Variants in ALOX5 observed in about 807,000 individuals in gnomAD.
The protein encoded by ALOX5 is polyunsaturated fatty acid 5-lipoxygenase.
A neutral mutation model predicts 87.9 loss-of-function variants in ALOX5; 64 were observed. That is an observed-to-expected ratio of 0.73 (90% CI 0.60 to 0.90). The LOEUF is 0.90. Among genes scored for constraint, ALOX5 ranks in the 40% least tolerant of loss-of-function variants. The pLI, the probability that ALOX5 is intolerant of heterozygous loss-of-function variation, is 0.00. For synonymous variants in ALOX5, 388 were observed against 355.1 expected (o/e 1.09, Z -1.04); for missense variants, 822 against 907.5 (o/e 0.91, Z 1.21).
At chr10:45,412,862 C>T (rs1368530087) in intron 4 of ALOX5, among the ~76,000 whole-genome samples, 1 of 152,168 alleles carries the variant, frequency 6.6e-6, no homozygotes, top group Admixed American at 6.5e-5. Flanking sequence ...GTTCTGTGCA[C>T]CTTTGTTTCA....
chr10:45,436,449 A>C (rs1041279584), intron 7 of ALOX5, among the ~76,000 whole-genome samples: 1 of 152,168 alleles, frequency 6.6e-6, no homozygotes, highest in African/African-American at 2.4e-5. Context: ...GTAGGGGCCC[A>C]GCGTCATTCT....
rs143623885 is a variant in ALOX5, at chr10:45,395,713, G to A, written c.350-142G>A. 5.8e-4 allele frequency: 376 copies of A among 644,978 alleles called. 6 individuals are homozygous for A. In the East Asian group the frequency reaches 9.4e-3, roughly 16 times the overall value. 40.0% of individuals were successfully genotyped at this position (644,978 alleles called of 1,614,324 possible). ...CCTCAGTTTCTTCATCATTAATTGG[G>A]GAAGTGCTCTGAGGCTCAAATGAGG... On this transcript the variant is annotated intron_variant, in intron 2 of 13. Transcript: ENST00000374391.
At chr10:45,443,370 G>A (rs375366789) in intron 10 of ALOX5, 46 bp from the exon 11 acceptor site, 8 of 1,595,654 alleles carry the variant, frequency 5.0e-6, no homozygotes, top group African/African-American at 4.0e-5. Context: ...GCACCGCTCC[G>A]CAGACCTGGC....
chr10:45,396,950 T>G (rs79242910), intron 3 of ALOX5, among the ~76,000 whole-genome samples: 3,470 of 152,016 alleles, frequency 0.023, 126 homozygotes, highest in African/African-American at 0.079. Flanking sequence ...ATAGAGTAAA[T>G]AACAAAACAA....
At chr10:45,422,133 C>A (rs955962254) in intron 4 of ALOX5, among the ~76,000 whole-genome samples, 2 of 152,118 alleles carry the variant, frequency 1.3e-5, no homozygotes, top group Non-Finnish European at 2.9e-5. Context: ...GCAGGAGAGA[C>A]CCCCAGTGTC....
chr10:45,411,994 C>T (rs947480207), intron 3 of ALOX5, among the ~76,000 whole-genome samples, 197 bp from the exon 4 acceptor site: 19 of 152,198 alleles, frequency 1.2e-4, no homozygotes, highest in African/African-American at 4.1e-4. Context: ...CAGGGCACAG[C>T]AAAGTTGGTG....
intron 4 of ALOX5, among the ~76,000 whole-genome samples, chr10:45,419,604 G>A (rs943075698): frequency 1.3e-5 from 2 of 152,282 alleles, no homozygotes; most frequent in Non-Finnish European, 2.9e-5. Context: ...TAGGGAGTGG[G>A]TGCGGAGGCT....
At chr10:45,419,030 T>G (rs777910862) in intron 4 of ALOX5, among the ~76,000 whole-genome samples, 1 of 152,044 alleles carries the variant, frequency 6.6e-6, no homozygotes, top group Non-Finnish European at 1.5e-5. Flanking sequence ...GGGTGGCGGA[T>G]GGAGCCGCCC....
At chr10:45,391,003 CCCTCTCT>C (rs141140052) in intron 2 of ALOX5, among the ~76,000 whole-genome samples, 33,302 of 66,248 alleles carry the variant, frequency 0.5, 10,566 homozygotes, top group African/African-American at 0.57. Flanking sequence ...CTCCCCTCTC[CCCTCTCT>C]CCTCTCCCAT....
chr10:45,375,249 C>T (rs1255199801), intron 1 of ALOX5, among the ~76,000 whole-genome samples: 1 of 152,192 alleles, frequency 6.6e-6, no homozygotes, highest in African/African-American at 2.4e-5. Context: ...GCGAGGGAGC[C>T]CTCAGCATTT....
In ALOX5 at chr10:45,432,943, T is replaced by A. The variant is rs78334250; in HGVS notation, c.981+4179T>A. Reference sequence around the variant, plus strand: ...TGCCTATCTATGATACACAGGTAGCTCCTTTACATTGACGGGAAAATACCA... The same window carrying A: ...TGCCTATCTATGATACACAGGTAGCACCTTTACATTGACGGGAAAATACCA... On this transcript the variant is annotated intron_variant, in intron 7 of 13. Coordinates refer to ENST00000374391, the MANE Select transcript of ALOX5 (RefSeq NM_000698.5). Among the ~76,000 whole-genome samples, 573 of 152,294 alleles carry A rather than the reference T, an allele frequency of 3.8e-3. 11 individuals carry two copies. In the East Asian group the frequency reaches 0.053, roughly 14 times the overall value.
intron 4 of ALOX5, among the ~76,000 whole-genome samples, chr10:45,419,469 A>AG (rs978073358): frequency 1.3e-5 from 2 of 151,288 alleles, no homozygotes; most frequent in Non-Finnish European, 2.9e-5. Flanking sequence ...GCAGAGGCCT[A>AG]GGGGGTGGGC....
At chr10:45,441,247 C>G (rs1374839544) in intron 8 of ALOX5, 97 bp from the exon 9 acceptor site, 9 of 1,045,732 alleles carry the variant, frequency 8.6e-6, no homozygotes, top group African/African-American at 1.6e-5. Flanking sequence ...CCAGCATCAT[C>G]CTATAGGGCA....
chr10:45,388,355 C>G (rs1184010154), intron 2 of ALOX5, among the ~76,000 whole-genome samples: 1 of 152,204 alleles, frequency 6.6e-6, no homozygotes, highest in Non-Finnish European at 1.5e-5. Flanking sequence ...GTTCACCCAA[C>G]ATGGAATTTG....
rs770880019 is a variant in ALOX5 at position 45,445,606 on chromosome 10, G to A, written c.1944G>A (p.Val648=). The part of the protein sequence containing the change: ...FRKNLEAIVS[V]IAERNKKKQL... ...AGAACCTCGAGGCCATTGTCAGCGT[G>A]ATTGCTGAGCGCAACAAGAAGAAGC... Residue 648 remains valine (V), a synonymous_variant, in exon 14 of 14, where the codon GTG becomes GTA. Coordinates refer to ENST00000374391, the MANE Select transcript of ALOX5 (RefSeq NM_000698.5). 20 of 1,614,056 alleles carry A rather than the reference G, an allele frequency of 1.2e-5. No homozygotes were observed. Among genetic ancestry groups the A allele is most frequent in the Admixed American group, 1.7e-5 (1 of 60,012 alleles).
At chr10:45,399,178 T>C (rs531593383) in intron 3 of ALOX5, among the ~76,000 whole-genome samples, 111 of 152,282 alleles carry the variant, frequency 7.3e-4, no homozygotes, top group African/African-American at 2.4e-3. Flanking sequence ...TTATGCTAAG[T>C]GAAAGAAACC....
intron 2 of ALOX5, 24 bp downstream of exon 2, chr10:45,382,705 C>T (rs746594123): frequency 1.3e-6 from 2 of 1,597,646 alleles, no homozygotes; most frequent in East Asian, 2.3e-5. Flanking sequence ...GCCCCTTCTG[C>T]CCCGGGCTTC....
intron 7 of ALOX5, among the ~76,000 whole-genome samples, chr10:45,434,747 TGG>T (rs963361875): frequency 2.6e-5 from 4 of 152,168 alleles, no homozygotes; most frequent in African/African-American, 9.7e-5. Flanking sequence ...GATGGCCCAG[TGG>T]GGGACAGGTG....
chr10:45,428,035 G>C (rs1369542690), intron 6 of ALOX5, among the ~76,000 whole-genome samples: 2 of 141,546 alleles, frequency 1.4e-5, no homozygotes, highest in East Asian at 2.0e-4. Flanking sequence ...CCCGAAACAC[G>C]CTCATTCCCG....
Sources: gnomAD v4.1 joint callset for allele counts (sites outside exome capture counted in the v4.1 genomes callset) on GRCh38, gnomAD v4.1.1 for gene constraint, MANE v1.5 for transcripts, NCBI Gene and HGNC (gene_info 2026-07-23, HGNC 2026-07-21) for gene names.